Variants in DLG2 observed in about 807,000 individuals in gnomAD.
DLG2 encodes the protein discs large MAGUK scaffold protein 2.
A neutral mutation model predicts 132.5 loss-of-function variants in DLG2; 45 were observed. The ratio of observed to expected loss-of-function variants is 0.34; its 90% CI spans 0.27 to 0.44. The LOEUF (loss-of-function observed/expected upper bound fraction) is 0.44, where lower values mean the gene tolerates loss of function less well. Among genes scored for constraint, DLG2 ranks in the 20% least tolerant of loss-of-function variants. The pLI is 1.00. For missense variants in DLG2, 1,045 were observed against 1,196.9 expected (o/e 0.87, Z 1.87); for synonymous variants, 424 against 419.6 (o/e 1.01, Z -0.13).
At chr11:85,288,908 T>A (rs1049821153) in intron 3 of DLG2, among the ~76,000 whole-genome samples, 2 of 152,120 alleles carry the variant, frequency 1.3e-5, no homozygotes, top group African/African-American at 4.8e-5. Context: ...AGGGTATTTA[T>A]CATACTCACG....
intron 6 of DLG2, among the ~76,000 whole-genome samples, chr11:84,667,437 G>T (rs565790429): frequency 4.0e-5 from 6 of 150,612 alleles, no homozygotes; most frequent in Non-Finnish European, 7.4e-5. Context: ...AAAATTGAGA[G>T]GAAATATGAG....
intron 18 of DLG2, among the ~76,000 whole-genome samples, chr11:83,714,463 ATCTG>A (rs2086224302): frequency 6.6e-6 from 1 of 152,212 alleles, no homozygotes; most frequent in Admixed American, 6.5e-5. Flanking sequence ...AGATTAAGTA[ATCTG>A]TCTAAGATCA....
intron 6 of DLG2, among the ~76,000 whole-genome samples, chr11:84,769,746 G>A (rs1002216197): frequency 3.3e-5 from 5 of 152,090 alleles, no homozygotes; most frequent in East Asian, 1.9e-4. Flanking sequence ...GCCACATTAC[G>A]TACAAAGGAA....
intron 7 of DLG2, among the ~76,000 whole-genome samples, chr11:84,353,001 T>C (rs1011724516): frequency 1.2e-4 from 18 of 152,314 alleles, no homozygotes; most frequent in Non-Finnish European, 2.9e-5. Flanking sequence ...AGTTCTCCCA[T>C]TACACTAGAT....
chr11:84,735,246 T>A (rs147845531), intron 6 of DLG2, among the ~76,000 whole-genome samples: 9,064 of 152,180 alleles, frequency 0.06, 350 homozygotes, highest in Non-Finnish European at 0.088. Flanking sequence ...TGGTAGAATT[T>A]GGCTGTGAAT....
chr11:84,051,925 G>C (rs1211455942), intron 11 of DLG2, among the ~76,000 whole-genome samples: 1 of 151,894 alleles, frequency 6.6e-6, no homozygotes, highest in East Asian at 2.0e-4. Flanking sequence ...AGGAAAAAAA[G>C]GACGTCCAAG....
intron 11 of DLG2, among the ~76,000 whole-genome samples, chr11:84,034,082 A>AAAAT (rs1413922400): frequency 6.6e-6 from 1 of 151,944 alleles, no homozygotes; most frequent in Non-Finnish European, 1.5e-5. Flanking sequence ...ACTCGGTCTC[A>AAAAT]AAATAAATAA....
Position 83,726,043 on chromosome 11 carries a change from T to C in DLG2, c.1825+60647A>G, listed in dbSNP as rs974134826. On this transcript the variant is annotated intron_variant, in intron 18 of 27. Transcript: ENST00000376104. ...AAAAACCCTATGAGGGAAAAAAAAG[T>C]CCCTCAAATAGGAGTCAATCAAGCT... Among the ~76,000 whole-genome samples, 9 of 152,010 alleles carry C rather than the reference T, an allele frequency of 5.9e-5. No individual in the cohort carries two copies. In the South Asian group the frequency reaches 1.9e-3, roughly 32 times the overall value.
chr11:84,572,678 C>T (rs1206703854), intron 6 of DLG2, among the ~76,000 whole-genome samples: 1 of 152,048 alleles, frequency 6.6e-6, no homozygotes, highest in Non-Finnish European at 1.5e-5. Flanking sequence ...ACACCCTGAC[C>T]ATACTTTGCC....
At chr11:84,270,115 T>TG (rs1244957380) in intron 7 of DLG2, among the ~76,000 whole-genome samples, 1 of 152,186 alleles carries the variant, frequency 6.6e-6, no homozygotes, top group African/African-American at 2.4e-5. Flanking sequence ...TTGAATAAAA[T>TG]TGCAAAGCCT....
chr11:84,180,427 G>T (rs1371393100), intron 8 of DLG2, among the ~76,000 whole-genome samples: 4 of 151,980 alleles, frequency 2.6e-5, no homozygotes, highest in African/African-American at 9.7e-5. Context: ...AATTCCAGAA[G>T]GAGACAAAAC....
chr11:85,079,997 T>C (rs1406423251), intron 6 of DLG2, among the ~76,000 whole-genome samples: 1 of 152,072 alleles, frequency 6.6e-6, no homozygotes. Context: ...TTGAGACGGA[T>C]GGAAAGGGGC....
chr11:83,736,232 G>C (rs1383526565), intron 18 of DLG2, among the ~76,000 whole-genome samples: 1 of 152,152 alleles, frequency 6.6e-6, no homozygotes, highest in African/African-American at 2.4e-5. Flanking sequence ...CAAGACCCAA[G>C]TCTTAAACTG....
chr11:85,323,934 G>A (rs994827549), intron 3 of DLG2, among the ~76,000 whole-genome samples: 4 of 152,030 alleles, frequency 2.6e-5, no homozygotes, highest in Non-Finnish European at 4.4e-5. Context: ...ACCACAGGTG[G>A]CTCAGCCCTC....
chr11:83,790,663 G>GATGCGGACCCACTCTGGGGCTCTGC lies in DLG2; in HGVS notation c.1723-3896_1723-3872dup, dbSNP rs1368638279. The GATGCGGACCCACTCTGGGGCTCTGC allele has an allele frequency of 1.6e-5, 16 of 978,648 alleles. No individual in the cohort carries two copies. In the African/African-American group the frequency reaches 2.6e-4, roughly 16 times the overall value. 60.6% of individuals were successfully genotyped at this position (978,648 alleles called of 1,614,324 possible). Reference sequence around the variant, plus strand: ...AGCAATGGTGAGAGTGGAGGGACATGATGCGGACCCACTCTGGGGCTCTGC... The same window carrying GATGCGGACCCACTCTGGGGCTCTGC: ...AGCAATGGTGAGAGTGGAGGGACATGATGCGGACCCACTCTGGGGCTCTGCATGCGGACCCACTCTGGGGCTCTGC... On this transcript the variant is annotated intron_variant, in intron 17 of 27. Transcript: ENST00000376104.
At position 84,373,269 on chromosome 11, in the gene DLG2, A is replaced by AAAAAAAAC. The variant is rs1555532736; in HGVS notation, c.520-121979_520-121978insGTTTTTTT. ...ACAGTCAAAAAAAAAAAAAAACAAA[A>AAAAAAAAC]CAAAAAAAAAACCCACCAGGCCCGG... On this transcript the variant is annotated intron_variant, in intron 7 of 27. Transcript: ENST00000376104. Among the ~76,000 whole-genome samples, 54 of 128,430 alleles carry AAAAAAAAC rather than the reference A, an allele frequency of 4.2e-4. 2 individuals carry two copies. The highest frequency in any genetic ancestry group is 1.8e-3 in the African/African-American group (52 of 28,258). 84.3% of individuals were successfully genotyped at this position (128,430 alleles called of 152,430 possible).
intron 6 of DLG2, among the ~76,000 whole-genome samples, chr11:84,669,711 T>C (rs189002223): frequency 3.9e-5 from 6 of 152,110 alleles, no homozygotes; most frequent in Admixed American, 1.3e-4. Context: ...TGACAATATT[T>C]TGATCAAATG....
intron 7 of DLG2, among the ~76,000 whole-genome samples, chr11:84,509,165 A>G (rs191355236): frequency 1.3e-5 from 2 of 152,362 alleles, no homozygotes; most frequent in African/African-American, 2.4e-5. Context: ...ACCTGAGGAT[A>G]AGAGATATAT....
rs192580258 is a variant in DLG2 at position 84,738,550 on chromosome 11, T to C, written c.358-203819A>G. On this transcript the variant is annotated intron_variant, in intron 6 of 27. Transcript: ENST00000376104. ...CTCCTATATGTTGCTATAAAATTATTATTTTTGAGATATTAAAATGTTAGT... is the reference window on the plus strand; with the variant it reads ...CTCCTATATGTTGCTATAAAATTATCATTTTTGAGATATTAAAATGTTAGT... Among the ~76,000 whole-genome samples the C allele has an allele frequency of 3.9e-5, 6 of 152,308 alleles. No homozygotes were observed. In the East Asian group the frequency reaches 1.2e-3, roughly 29 times the overall value.
Sources: allele counts gnomAD v4.1 joint callset (sites outside exome capture counted in the v4.1 genomes callset), GRCh38; gene constraint gnomAD v4.1.1; transcripts MANE v1.5; gene names NCBI Gene and HGNC (gene_info 2026-07-23, HGNC 2026-07-21).